BCR: variants seen among roughly 807,000 people sequenced by gnomAD.
BCR encodes the protein breakpoint cluster region protein.
A neutral mutation model predicts 138.6 loss-of-function variants in BCR; 58 were observed. The ratio of observed to expected loss-of-function variants is 0.42; its 90% CI spans 0.34 to 0.52. The LOEUF (loss-of-function observed/expected upper bound fraction) is 0.52, where lower values mean the gene tolerates loss of function less well. Among genes scored for constraint, BCR ranks in the 20% least tolerant of loss-of-function variants. BCR has a pLI of 0.06. For synonymous variants in BCR, 786 were observed against 730.1 expected (o/e 1.08, Z -1.23); for missense variants, 1,599 against 1,727.2 (o/e 0.93, Z 1.32).
At chr22:23,299,714 AT>A (rs1671187142) in intron 16 of BCR, among the ~76,000 whole-genome samples, 3 of 149,814 alleles carry the variant, frequency 2.0e-5, no homozygotes, top group Non-Finnish European at 4.4e-5. Flanking sequence ...ATATATATAT[AT>A]ATAGTAAAAT....
intron 1 of BCR, among the ~76,000 whole-genome samples, chr22:23,237,976 G>A (rs1602050584): frequency 6.6e-6 from 1 of 152,226 alleles, no homozygotes; most frequent in African/African-American, 2.4e-5. Flanking sequence ...GAGGCTTCCG[G>A]TAATTATGAC....
At chr22:23,234,021 A>G (rs1225751921) in intron 1 of BCR, among the ~76,000 whole-genome samples, 2 of 152,072 alleles carry the variant, frequency 1.3e-5, no homozygotes, top group Admixed American at 6.5e-5. Flanking sequence ...TATACCCTGC[A>G]GATGTGATGA....
chr22:23,313,263 A>T lies in BCR; in HGVS notation c.3457+242A>T, dbSNP rs578170386. Among the ~76,000 whole-genome samples the T allele has an allele frequency of 5.9e-3, 904 of 152,342 alleles. 9 individuals are homozygous for T. Among genetic ancestry groups the T allele is most frequent in the African/African-American group, 0.02 (813 of 41,576 alleles). On this transcript the variant is annotated intron_variant, in intron 20 of 22. Transcript: ENST00000305877. ...AGACCAAGAGGCTGAAATAGTCAGC[A>T]CTGCTGTGCTGTGGGGTCCTAAAGT...
At chr22:23,272,957 G>A in intron 6 of BCR, 124 bp from the exon 7 acceptor site, 2 of 1,008,824 alleles carry the variant, frequency 2.0e-6, no homozygotes, top group South Asian at 1.4e-5. Flanking sequence ...ACTGCGCAGA[G>A]GGGAGATGGG....
intron 1 of BCR, chr22:23,198,252 C>T (rs772631694): frequency 1.1e-5 from 5 of 444,146 alleles, no homozygotes; most frequent in African/African-American, 2.1e-5. Flanking sequence ...GATTAGGGTC[C>T]GAGTGCTCCC....
chr22:23,275,824 T>A (rs2073569019), intron 8 of BCR, among the ~76,000 whole-genome samples: 1 of 152,194 alleles, frequency 6.6e-6, no homozygotes, highest in Non-Finnish European at 1.5e-5. Context: ...CGCTCTGACC[T>A]CCTGGGAAGT....
intron 2 of BCR, among the ~76,000 whole-genome samples, chr22:23,255,052 A>T (rs1699544998): frequency 6.6e-6 from 1 of 152,136 alleles, no homozygotes; most frequent in East Asian, 1.9e-4. Flanking sequence ...AAAAAAATAA[A>T]TAAAAAGAGC....
chr22:23,313,889 C>T, intron 20 of BCR, 79 bp from the exon 21 acceptor site: 2 of 1,133,662 alleles, frequency 1.8e-6, no homozygotes, highest in Non-Finnish European at 2.7e-6. Flanking sequence ...GACACAAGCC[C>T]CAGGTGCTCC....
At chr22:23,215,871 A>G (rs1443653508) in intron 1 of BCR, among the ~76,000 whole-genome samples, 1 of 152,208 alleles carries the variant, frequency 6.6e-6, no homozygotes, top group Non-Finnish European at 1.5e-5. Context: ...ATAGGGGACC[A>G]GTTAATCCAG....
At chr22:23,290,080 C>T (rs755133232) in intron 13 of BCR, 21 of 561,452 alleles carry the variant, frequency 3.7e-5, no homozygotes, top group Non-Finnish European at 6.1e-5. Context: ...ATCACCCCGA[C>T]CCCCTCTGCT....
chr22:23,228,702 T>A (rs1743679695), intron 1 of BCR, among the ~76,000 whole-genome samples: 1 of 152,192 alleles, frequency 6.6e-6, no homozygotes, highest in Non-Finnish European at 1.5e-5. Context: ...CCTCTATAGT[T>A]TCTGATGGGA....
intron 1 of BCR, among the ~76,000 whole-genome samples, chr22:23,196,483 A>C (rs1296010225): frequency 1.3e-5 from 2 of 152,326 alleles, no homozygotes; most frequent in East Asian, 3.9e-4. Context: ...AATGTGGGCA[A>C]GAACTCGGAG....
chr22:23,202,745 GTGTATATATA>G (rs929721363), intron 1 of BCR, among the ~76,000 whole-genome samples: 6 of 147,636 alleles, frequency 4.1e-5, no homozygotes, highest in East Asian at 1.9e-4. Context: ...GTGTGTGTGT[GTGTATATATA>G]TATATATTTA....
intron 1 of BCR, 37 bp downstream of exon 1, chr22:23,182,276 A>T (rs2146190550): frequency 6.7e-7 from 1 of 1,496,830 alleles, no homozygotes; most frequent in South Asian, 1.3e-5. Flanking sequence ...GCACACCTGC[A>T]CGGGGGAGGA....
At chr22:23,217,952 G>A (rs564049794) in intron 1 of BCR, among the ~76,000 whole-genome samples, 8 of 152,284 alleles carry the variant, frequency 5.3e-5, no homozygotes, top group South Asian at 2.1e-4. Context: ...CTCCTACATT[G>A]CCTTGGGGAG....
intron 2 of BCR, among the ~76,000 whole-genome samples, chr22:23,257,845 G>A (rs1234575766): frequency 2.6e-5 from 4 of 152,240 alleles, no homozygotes. Flanking sequence ...CGGAGACCCT[G>A]AAGGAGCCCT....
Position 23,202,405 on chromosome 22 carries a change from T to G in BCR, c.1279+20166T>G, listed in dbSNP as rs6003550. On this transcript the variant is annotated intron_variant, in intron 1 of 22. Transcript: ENST00000305877. ...TACCATTTTTAGCCGCACAGCTAAA[T>G]GGTGTTAAGTATATTCCTGTCATGC... Among the ~76,000 whole-genome samples, 221 of 152,306 alleles carry G rather than the reference T, an allele frequency of 1.5e-3. 2 individuals are homozygous for G. The highest frequency in any genetic ancestry group is 5.2e-3 in the African/African-American group (215 of 41,570).
At chr22:23,272,502 T>C (rs1351420662) in intron 6 of BCR, among the ~76,000 whole-genome samples, 2 of 152,120 alleles carry the variant, frequency 1.3e-5, no homozygotes, top group Non-Finnish European at 2.9e-5. Flanking sequence ...TGGCTGAGGC[T>C]GGCCAGGGCT....
intron 4 of BCR, chr22:23,263,837 C>T: frequency 9.1e-7 from 1 of 1,100,136 alleles, no homozygotes; most frequent in South Asian, 1.2e-5. Context: ...AGTGTTTATA[C>T]ACCATCCAGA....
Sources: gnomAD v4.1 joint callset for allele counts (sites outside exome capture counted in the v4.1 genomes callset) on GRCh38, gnomAD v4.1.1 for gene constraint, MANE v1.5 for transcripts, NCBI Gene and HGNC (gene_info 2026-07-23, HGNC 2026-07-21) for gene names.